Variants in CLIC5 observed in about 807,000 individuals in gnomAD.
CLIC5 encodes chloride intracellular channel protein 5.
Under a neutral mutation model 24.7 loss-of-function variants are expected in CLIC5, and 20 were observed. That is an observed-to-expected ratio of 0.81 (90% CI 0.57 to 1.18). The LOEUF (loss-of-function observed/expected upper bound fraction) is 1.18. Ranked by LOEUF, CLIC5 falls within the 50% of genes most tolerant of loss-of-function variation. The pLI, the probability that CLIC5 is intolerant of heterozygous loss-of-function variation, is 0.00. For missense variants in CLIC5, 341 were observed against 326.1 expected, an observed-to-expected ratio of 1.05 and a Z score of -0.35; for synonymous variants, 159 against 135.6, an observed-to-expected ratio of 1.17 and a Z score of -1.20.
chr6:46,060,376 A>G (rs1762216318), intron 1 of CLIC5, among the ~76,000 whole-genome samples: 1 of 152,158 alleles, frequency 6.6e-6, no homozygotes, highest in South Asian at 2.1e-4. Context: ...TACTTTTAAG[A>G]GATTCTCAAT....
At chr6:46,082,943 A>T (rs1402414578), upstream of CLIC5, among the ~76,000 whole-genome samples, 1 of 152,192 alleles carries the variant, frequency 6.6e-6, no homozygotes, top group Non-Finnish European at 1.5e-5. Flanking sequence ...CTACTTTTTC[A>T]TCATTATCTC....
At chr6:45,894,994 G>T (rs1008435549), downstream of CLIC5, among the ~76,000 whole-genome samples, 2 of 151,948 alleles carry the variant, frequency 1.3e-5, no homozygotes, top group African/African-American at 4.8e-5. Context: ...AGGAAGGTAC[G>T]TTAGGTTCAG....
chr6:45,992,431 T>C (rs1388576178), intron 1 of CLIC5, among the ~76,000 whole-genome samples: 5 of 152,186 alleles, frequency 3.3e-5, no homozygotes, highest in African/African-American at 1.2e-4. Flanking sequence ...AAAAAAATAT[T>C]TTAATGGGGA....
intron 1 of CLIC5, among the ~76,000 whole-genome samples, chr6:46,023,932 C>T (rs1467507551): frequency 6.6e-6 from 1 of 151,358 alleles, no homozygotes; most frequent in Admixed American, 6.6e-5. Context: ...CCTAGTATTA[C>T]TCTGACCTAC....
At chr6:45,892,259 C>A (rs765551317) in intron 6 of CLIC5, 2 of 147,448 alleles carry the variant, frequency 1.4e-5, no homozygotes, top group Non-Finnish European at 2.9e-5. Flanking sequence ...AGATATGGTA[C>A]AGGAATGTTA....
the CLIC5 span, among the ~76,000 whole-genome samples, chr6:46,121,895 T>A: frequency 1.3e-5 from 2 of 152,112 alleles, no homozygotes; most frequent in Admixed American, 1.3e-4. Context: ...CCTAAATATA[T>A]ATGCACCCAA....
At chr6:46,122,042 A>G in the CLIC5 span, among the ~76,000 whole-genome samples, 1 of 152,200 alleles carries the variant, frequency 6.6e-6, no homozygotes, top group Admixed American at 6.5e-5. Context: ...GTTAACAAGG[A>G]TATCCAGGAA....
intron 6 of CLIC5, among the ~76,000 whole-genome samples, chr6:45,890,079 TA>T (rs1418519180): frequency 1.3e-5 from 2 of 152,254 alleles, no homozygotes; most frequent in Non-Finnish European, 2.9e-5. Flanking sequence ...CCATTTTTAA[TA>T]AGAGTAGTTT....
chr6:45,929,793 C>T (rs370235319), intron 4 of CLIC5, among the ~76,000 whole-genome samples: 2 of 152,228 alleles, frequency 1.3e-5, no homozygotes, highest in South Asian at 4.1e-4. Flanking sequence ...AGACATGGAG[C>T]CCCACGGCCA....
intron 6 of CLIC5, among the ~76,000 whole-genome samples, chr6:45,886,291 C>T (rs889847231): frequency 3.3e-5 from 5 of 152,174 alleles, no homozygotes; most frequent in African/African-American, 7.2e-5. Context: ...GCATCTGGAT[C>T]GGTAGCCAAA....
chr6:46,007,637 C>T (rs1256036226), intron 1 of CLIC5, among the ~76,000 whole-genome samples: 1 of 152,194 alleles, frequency 6.6e-6, no homozygotes, highest in Non-Finnish European at 1.5e-5. Context: ...GCAAAAACAG[C>T]AGCAGCTCAC....
intron 4 of CLIC5, among the ~76,000 whole-genome samples, chr6:45,934,976 G>C (rs1386593811): frequency 6.6e-6 from 1 of 152,244 alleles, no homozygotes; most frequent in Non-Finnish European, 1.5e-5. Flanking sequence ...AATAAATCAT[G>C]TGTATTGCTA....
chr6:46,017,716 C>G (rs773591776), upstream of CLIC5, among the ~76,000 whole-genome samples: 10 of 152,172 alleles, frequency 6.6e-5, no homozygotes, highest in Non-Finnish European at 1.0e-4. Flanking sequence ...CAAGCTGTCA[C>G]GTAAAGATAC....
At chr6:46,009,501 AT>A (rs1354723996) in intron 1 of CLIC5, among the ~76,000 whole-genome samples, 3 of 152,166 alleles carry the variant, frequency 2.0e-5, no homozygotes, top group African/African-American at 7.2e-5. Context: ...TAGGAAACTC[AT>A]GCTTAACCAC....
intron 1 of CLIC5, among the ~76,000 whole-genome samples, chr6:46,011,063 T>A (rs1766790331): frequency 6.6e-6 from 1 of 152,154 alleles, no homozygotes; most frequent in African/African-American, 2.4e-5. Flanking sequence ...ACTCAGAAAC[T>A]TTTGGGCCAC....
intron 4 of CLIC5, among the ~76,000 whole-genome samples, chr6:45,920,936 C>T (rs1033634514): frequency 3.3e-5 from 5 of 152,170 alleles, no homozygotes; most frequent in African/African-American, 1.2e-4. Flanking sequence ...AACCAATCCC[C>T]TCCCCCACCA....
rs55655028 is a variant in CLIC5 at position 46,073,000 on chromosome 6, C to G, written c.540+6703G>C. Among the ~76,000 whole-genome samples, 68 of 152,276 alleles carry G rather than the reference C, an allele frequency of 4.5e-4. No individual in the cohort carries two copies. In the South Asian group the frequency reaches 0.013, roughly 30 times the overall value. ...TATAAAGAAAAATCCCCTGGATGGA[C>G]AGCCCAATGTACTAGCTTGCCAGTG... On this transcript the variant is annotated intron_variant, in intron 1 of 5. Transcript: ENST00000185206.
At chr6:45,922,056 A>T (rs12204991) in intron 4 of CLIC5, among the ~76,000 whole-genome samples, 43,045 of 152,164 alleles carry the variant, frequency 0.28, 6,511 homozygotes, top group East Asian at 0.47. Context: ...TGCAATGGCA[A>T]CTTCAACAGA....
chr6:46,037,262 A>C lies in CLIC5; in HGVS notation c.540+42441T>G, dbSNP rs529598888. Reference sequence around the variant, plus strand: ...ATTTGGTTCCAAAATCAAAATTACAATCTTTTGGTCACAATTTATCCACTG... The same window carrying C: ...ATTTGGTTCCAAAATCAAAATTACACTCTTTTGGTCACAATTTATCCACTG... On this transcript the variant is annotated intron_variant, in intron 1 of 5. Transcript: ENST00000185206. Among the ~76,000 whole-genome samples the C allele has an allele frequency of 2.2e-4, 33 of 152,286 alleles. 1 individual carries two copies. The highest frequency in any genetic ancestry group is 7.9e-4 in the African/African-American group (33 of 41,564).
Sources: gnomAD v4.1 joint callset for allele counts (sites outside exome capture counted in the v4.1 genomes callset) on GRCh38, gnomAD v4.1.1 for gene constraint, MANE v1.5 for transcripts, NCBI Gene and HGNC (gene_info 2026-07-23, HGNC 2026-07-21) for gene names.